Variants in UBASH3A observed in about 807,000 individuals in gnomAD.
UBASH3A encodes the protein ubiquitin-associated and SH3 domain-containing protein A.
A neutral mutation model predicts 73.5 loss-of-function variants in UBASH3A; 63 were observed. The observed-to-expected ratio is 0.86, with a 90% CI of 0.70 to 1.06. UBASH3A has a LOEUF of 1.06. UBASH3A is among the 50% of genes least tolerant of loss of function. The pLI is 0.00. For missense variants in UBASH3A, 860 were observed against 859.0 expected (o/e 1.00, Z -0.02); for synonymous variants, 363 against 351.1 (o/e 1.03, Z -0.38).
At chr21:42,416,107 C>T (rs963096940) in intron 5 of UBASH3A, among the ~76,000 whole-genome samples, 2 of 152,176 alleles carry the variant, frequency 1.3e-5, no homozygotes, top group African/African-American at 4.8e-5. Flanking sequence ...AACTGGAGCT[C>T]GGGCCTGCAA....
Position 42,447,382 on chromosome 21 carries a change from C to A in UBASH3A, c.*188C>A, listed in dbSNP as rs907015983. On this transcript the variant is annotated 3_prime_UTR_variant, in exon 15 of 15. Transcript: ENST00000319294. ...GCCTTTGTAACTCCCATCTGTGGAC[C>A]CATCGTCCACCAGCCCAGCTGCGGG... 14 of 597,828 alleles carry A rather than the reference C, an allele frequency of 2.3e-5. No homozygotes were observed. Among genetic ancestry groups the A allele is most frequent in the African/African-American group, 1.5e-4 (8 of 52,802 alleles). The allele number at this position is 597,828 out of a possible 1,614,324, so 37.0% of individuals were successfully genotyped here.
Position 42,430,801 on chromosome 21 carries a change from G to A in UBASH3A, c.1171-1302G>A, listed in dbSNP as rs749352342. Among the ~76,000 whole-genome samples the A allele has an allele frequency of 7.2e-5, 11 of 152,312 alleles. 1 individual carries two copies. The South Asian group carries it at 1.2e-3, about 17-fold the overall frequency. ...CAGCATGTGACATGCTCCCCCCTGC[G>A]GTGCCATGTCACAGGGAGGTTGAGG... On this transcript the variant is annotated intron_variant, in intron 8 of 14. Coordinates refer to ENST00000319294, the MANE Select transcript of UBASH3A (RefSeq NM_018961.4).
chr21:42,432,251 C>A (rs374183182), intron 9 of UBASH3A, 49 bp downstream of exon 9: 4 of 1,200,874 alleles, frequency 3.3e-6, no homozygotes, highest in Non-Finnish European at 3.7e-6. Flanking sequence ...GTAGATCTAA[C>A]CAATGAGATC....
rs2053544033 is a variant in UBASH3A at position 42,432,198 on chromosome 21, T to A, written c.1266T>A (p.Pro422=). The A allele has an allele frequency of 6.2e-7, 1 of 1,609,598 alleles. No individual in the cohort carries two copies. Among genetic ancestry groups the A allele is most frequent in the Non-Finnish European group, 8.5e-7 (1 of 1,176,518 alleles). Residue 422 remains proline, a synonymous_variant, in exon 9 of 15, where the codon CCT becomes CCA. Coordinates refer to ENST00000319294, the MANE Select transcript of UBASH3A (RefSeq NM_018961.4). ...GKAWLQQCST[P]DGKYYRPDLN... is the part of the protein sequence containing the mutation. ...CATGGCTGCAGCAATGCTCCACTCC[T>A]GATGGTAGGTCACACTCAGGCGGGT...
intron 9 of UBASH3A, among the ~76,000 whole-genome samples, chr21:42,432,667 G>A (rs2053556233): frequency 6.6e-6 from 1 of 152,200 alleles, no homozygotes; most frequent in African/African-American, 2.4e-5. Flanking sequence ...TTAAGGCATT[G>A]AATGTAGTGA....
In UBASH3A at chr21:42,413,073, G is replaced by A; in HGVS notation, c.404G>A (p.Gly135Glu). The change falls in exon 4 of 15, where the codon GGA (glycine) becomes GAA (glutamate). Residue 135 changes from glycine (G) to glutamate (E), a missense_variant. By Grantham distance (98) the Gly-to-Glu change is moderately conservative (BLOSUM62 -2). Coordinates refer to ENST00000319294, the MANE Select transcript of UBASH3A (RefSeq NM_018961.4). The surrounding 1 kb of genome is among the most constrained non-coding windows in gnomAD (Gnocchi z 4.5). Reference protein sequence around the residue: ...ECLYEALKRAGDRLLGSFPTA... With the variant: ...ECLYEALKRAEDRLLGSFPTA... ...CTGTACGAGGCGCTGAAGAGAGCTG[G>A]AGACAGGCTCCTGGGCTCCTTCCCC... 6.2e-7 allele frequency: 1 copy of A among 1,614,214 alleles called. No homozygotes were observed. Among genetic ancestry groups the A allele is most frequent in the Non-Finnish European group, 8.5e-7 (1 of 1,180,028 alleles).
rs1014855597 is a variant in UBASH3A, at chr21:42,418,602, A to G, written c.1039A>G (p.Lys347Glu). Reference sequence around the variant, plus strand: ...AGCCAGTGAGTCTGACACGTGGGTGAAGCACAGGTGAGTGCTGCCTCTGGC... The same window carrying G: ...AGCCAGTGAGTCTGACACGTGGGTGGAGCACAGGTGAGTGCTGCCTCTGGC... ...DRASESDTWV[K>E]HRMYTFSLAT... is the part of the protein sequence containing the mutation. Residue 347 changes from lysine (K) to glutamate (E), a missense_variant, in exon 7 of 15, where the codon AAG becomes GAG. Lys to Glu is a moderately conservative substitution (Grantham distance 56, BLOSUM62 1). Coordinates refer to ENST00000319294, the MANE Select transcript of UBASH3A (RefSeq NM_018961.4). The G allele has an allele frequency of 1.2e-6, 2 of 1,613,822 alleles. No individual in the cohort carries two copies. Among genetic ancestry groups the G allele is most frequent in the Admixed American group, 1.7e-5 (1 of 60,000 alleles).
chr21:42,443,354 CCAGGAGTACATGGA>C lies in UBASH3A; in HGVS notation c.1679_1692del (p.Glu560ValfsTer62). 6.2e-7 allele frequency: 1 copy of C among 1,613,462 alleles called. No homozygotes were observed. The highest frequency in any genetic ancestry group is 8.5e-7 in the Non-Finnish European group (1 of 1,179,678). The stretch of plus-strand genomic sequence containing the variant: ...CCGCCCTCATGCCGGCCGAGAGCTA[CCAGGAGTACATGGA>C]CAGGTGCACGGCGAGCATGGTGCAA... On this transcript the variant is annotated frameshift_variant, in exon 13 of 15. Coordinates refer to ENST00000319294, the MANE Select transcript of UBASH3A (RefSeq NM_018961.4). LOFTEE classifies it high-confidence loss of function.
At chr21:42,414,711 C>T (rs559743512) in intron 5 of UBASH3A, among the ~76,000 whole-genome samples, 5 of 152,272 alleles carry the variant, frequency 3.3e-5, no homozygotes, top group East Asian at 3.9e-4. Context: ...CTGGGGCCAC[C>T]GGAAACTGGA....
At chr21:42,428,976 G>C (rs1177341593) in intron 8 of UBASH3A, among the ~76,000 whole-genome samples, 1 of 152,206 alleles carries the variant, frequency 6.6e-6, no homozygotes, top group Non-Finnish European at 1.5e-5. Flanking sequence ...CTGCAGATGG[G>C]ATTGAGTGGA....
chr21:42,417,295 G>A (rs370709915), intron 6 of UBASH3A, among the ~76,000 whole-genome samples: 6 of 151,364 alleles, frequency 4.0e-5, no homozygotes, highest in African/African-American at 1.5e-4. Flanking sequence ...GTGATGGCAC[G>A]AACCTGTAAT....
intron 10 of UBASH3A, 182 bp downstream of exon 10, chr21:42,435,136 G>T (rs139475541): frequency 2.0e-4 from 124 of 627,286 alleles, no homozygotes; most frequent in African/African-American, 1.9e-3. Context: ...CACACAGCAA[G>T]AAAGTGGCAA....
chr21:42,421,896 T>C (rs1487256871), intron 7 of UBASH3A, among the ~76,000 whole-genome samples: 2 of 152,218 alleles, frequency 1.3e-5, no homozygotes, highest in Non-Finnish European at 2.9e-5. Context: ...TGATAGAAGC[T>C]CTTGGTGAAA....
rs9980836 is a variant in UBASH3A, at chr21:42,419,976, T to C, written c.1046+1367T>C. On this transcript the variant is annotated intron_variant, in intron 7 of 14. Transcript: ENST00000319294. ...TAGGTTAGGTGCATTAAATGCATTT[T>C]CAATTTATGATGGGTTTGTTGGAAC... Among the ~76,000 whole-genome samples, 353 of 152,318 alleles carry C rather than the reference T, an allele frequency of 2.3e-3. 2 individuals carry two copies. The highest frequency in any genetic ancestry group is 7.9e-3 in the African/African-American group (327 of 41,570).
At chr21:42,411,982 C>T (rs571358846) in intron 3 of UBASH3A, among the ~76,000 whole-genome samples, 1 of 152,320 alleles carries the variant, frequency 6.6e-6, no homozygotes, top group East Asian at 1.9e-4. Context: ...ACACTGTGAT[C>T]TGGCCTCATA....
chr21:42,415,879 A>G (rs1224438873), intron 5 of UBASH3A, among the ~76,000 whole-genome samples: 1 of 152,218 alleles, frequency 6.6e-6, no homozygotes, highest in Non-Finnish European at 1.5e-5. Flanking sequence ...TGGTGATGCC[A>G]GCTGCTCTGC....
At chr21:42,411,122 CAG>C (rs1463956764) in intron 3 of UBASH3A, among the ~76,000 whole-genome samples, 1 of 150,238 alleles carries the variant, frequency 6.7e-6, no homozygotes, top group Admixed American at 6.6e-5. Flanking sequence ...CAGATAGACA[CAG>C]AGACGTACAC....
intron 5 of UBASH3A, among the ~76,000 whole-genome samples, chr21:42,414,754 C>T (rs1214021716): frequency 2.6e-5 from 4 of 152,196 alleles, no homozygotes; most frequent in Non-Finnish European, 5.9e-5. Context: ...CAGGAGCTTT[C>T]GGGGAGAGCA....
intron 7 of UBASH3A, among the ~76,000 whole-genome samples, chr21:42,420,254 T>C (rs1442210512): frequency 6.6e-6 from 1 of 152,244 alleles, no homozygotes; most frequent in East Asian, 1.9e-4. Context: ...ATGCAACTTA[T>C]GCACATCACC....
Sources: gnomAD v4.1 joint callset for allele counts (sites outside exome capture counted in the v4.1 genomes callset) on GRCh38, gnomAD v4.1.1 for gene constraint, Gnocchi (gnomAD v3.1) non-coding constraint, MANE v1.5 for transcripts, NCBI Gene and HGNC (gene_info 2026-07-23, HGNC 2026-07-21) for gene names.